NCOA4: variants seen among roughly 807,000 people sequenced by gnomAD.
NCOA4 encodes 70 kDa AR-activator.
In NCOA4, 31 loss-of-function variants were observed where a neutral mutation model predicts 69.5. That is an observed-to-expected ratio of 0.45 (90% CI 0.34 to 0.60). NCOA4 has a LOEUF of 0.60. Ranked by LOEUF, NCOA4 falls within the 20% of genes least tolerant of loss-of-function variation. The probability of loss-of-function intolerance (pLI) is 0.02; values close to 1 mark genes in which losing one functional copy is unlikely to be tolerated. For synonymous variants in NCOA4, 228 were observed against 252.4 expected (o/e 0.90, Z 0.92); for missense variants, 600 against 719.2 (o/e 0.83, Z 1.90).
In NCOA4 at chr10:46,027,395, TCTAA is replaced by T. The variant is rs782107198; in HGVS notation, c.-15+3127_-15+3130del. 1.1e-5 allele frequency: 17 copies of T among 1,544,366 alleles called. 1 individual carries two copies. The South Asian group carries it at 1.7e-4, about 15-fold the overall frequency. On this transcript the variant is annotated intron_variant, in intron 1 of 9. Coordinates refer to ENST00000581486, the MANE Select transcript of NCOA4 (RefSeq NM_001145263.2). The stretch of plus-strand genomic sequence containing the variant: ...AAGCTAAGGACAATATGGCAGCTCC[TCTAA>T]CTGACATGCATGGAGATAGTATTAA...
Position 46,025,545 on chromosome 10 carries a change from C to T in NCOA4, c.-15+4981G>A, listed in dbSNP as rs910933449. Reference sequence around the variant, plus strand: ...TGTCTCCCAGAACAGCTCCCACACCCTAATCTACTGGACAGCTTTTCTATG... The same window carrying T: ...TGTCTCCCAGAACAGCTCCCACACCTTAATCTACTGGACAGCTTTTCTATG... On this transcript the variant is annotated intron_variant, in intron 1 of 9. Coordinates refer to ENST00000581486, the MANE Select transcript of NCOA4 (RefSeq NM_001145263.2). Among the ~76,000 whole-genome samples, 4 of 152,234 alleles carry T rather than the reference C, an allele frequency of 2.6e-5. No homozygotes were observed. In the East Asian group the frequency reaches 7.7e-4, roughly 29 times the overall value.
intron 9 of NCOA4, among the ~76,000 whole-genome samples, chr10:46,007,808 T>TA (rs1455210116): frequency 3.3e-5 from 5 of 152,036 alleles, no homozygotes. Flanking sequence ...AGGCTGGTGT[T>TA]AAACTCCTTG....
At chr10:46,016,771 T>C in intron 1 of NCOA4, 77 bp from the exon 2 acceptor site, 1 of 1,088,600 alleles carries the variant, frequency 9.2e-7, no homozygotes, top group Non-Finnish European at 1.2e-6. Flanking sequence ...CCTCAAATGA[T>C]CATTCCAGCC....
chr10:46,006,360 T>A lies in NCOA4; in HGVS notation c.*232A>T. 1.9e-6 allele frequency: 1 copy of A among 539,354 alleles called. No individual in the cohort carries two copies. Among genetic ancestry groups the A allele is most frequent in the Non-Finnish European group, 3.3e-6 (1 of 299,244 alleles). 33.4% of individuals were successfully genotyped at this position (539,354 alleles called of 1,614,324 possible). On this transcript the variant is annotated 3_prime_UTR_variant, in exon 10 of 10. Transcript: ENST00000581486. ...TCTAGTGTGGGGTGAATTAAAATAC[T>A]TCTGTAAGAAGGAGGGAACTGAATC...
At position 46,016,625 on chromosome 10, in the gene NCOA4, C is replaced by T. The variant is rs782492990; in HGVS notation, c.56G>A (p.Arg19Lys). ...CAAGTCCCTCCGTGCATCACTACAC[C>T]TCAAAAGGGGTTCTCTATTACTGGA... ...GSSSNREPLLRCSDARRDLEL... is the reference protein window; with the variant it reads ...GSSSNREPLLKCSDARRDLEL... The change falls in exon 2 of 10, where the codon AGG (arginine) becomes AAG (lysine). Residue 19 changes from arginine to lysine, a missense_variant. Arg to Lys is a conservative substitution (Grantham distance 26). Coordinates refer to ENST00000581486, the MANE Select transcript of NCOA4 (RefSeq NM_001145263.2). 1.9e-6 allele frequency: 3 copies of T among 1,559,080 alleles called. No individual in the cohort carries two copies. Among genetic ancestry groups the T allele is most frequent in the Non-Finnish European group, 2.6e-6 (3 of 1,145,306 alleles).
chr10:46,024,862 T>A (rs1248500374), intron 1 of NCOA4, among the ~76,000 whole-genome samples: 1 of 152,208 alleles, frequency 6.6e-6, no homozygotes, highest in African/African-American at 2.4e-5. Context: ...GGCTCCCCAT[T>A]TGCCTACAGG....
chr10:46,023,003 A>C (rs1554924792), intron 1 of NCOA4, among the ~76,000 whole-genome samples: 1 of 152,248 alleles, frequency 6.6e-6, no homozygotes, highest in Non-Finnish European at 1.5e-5. Context: ...TACTAGGCTC[A>C]GATTTGTCCA....
rs782326444 is a variant in NCOA4 at position 46,013,020 on chromosome 10, C to G, written c.577G>C (p.Ala193Pro). ...GCISMPEQKS[A>P]SGIVAVPFSE... is the part of the protein sequence containing the mutation. ...AAAGGGACAGCTACAATACCGGATG[C>G]TGACTTCTGTTAATCACAAAACAAG... The change falls in exon 7 of 10, where the codon GCA (alanine) becomes CCA (proline). Residue 193 changes from alanine (A) to proline (P), a missense_variant. Transcript: ENST00000581486. The G allele has an allele frequency of 6.2e-7, 1 of 1,613,844 alleles. No individual in the cohort carries two copies. The highest frequency in any genetic ancestry group is 8.5e-7 in the Non-Finnish European group (1 of 1,179,876).
chr10:46,029,202 A>T (rs1158985931), intron 1 of NCOA4, among the ~76,000 whole-genome samples: 1 of 152,232 alleles, frequency 6.6e-6, no homozygotes, highest in Non-Finnish European at 1.5e-5. Context: ...TTATTTAGAT[A>T]AAAACTACCA....
At chr10:46,009,228 A>G in intron 9 of NCOA4, 183 bp downstream of exon 9, 2 of 1,539,512 alleles carry the variant, frequency 1.3e-6, no homozygotes, top group Non-Finnish European at 1.8e-6. Flanking sequence ...TAGTTAATAA[A>G]GCAAATTCAA....
At position 46,010,704 on chromosome 10, in the gene NCOA4, G is replaced by T. The variant is rs782314703; in HGVS notation, c.1217C>A (p.Ala406Asp). The T allele has an allele frequency of 3.1e-6, 5 of 1,613,954 alleles. No individual in the cohort carries two copies. The South Asian group carries it at 5.5e-5, about 18-fold the overall frequency. The change falls in exon 8 of 10, where the codon GCC (alanine) becomes GAC (aspartate). Residue 406 changes from alanine (A) to aspartate (D), a missense_variant. Coordinates refer to ENST00000581486, the MANE Select transcript of NCOA4 (RefSeq NM_001145263.2). Reference sequence around the variant, plus strand: ...TGCAAAGCTTGTGCAGGGCTCATTGGCTCTGCACACCTCCTCTACCTTACA... The same window carrying T: ...TGCAAAGCTTGTGCAGGGCTCATTGTCTCTGCACACCTCCTCTACCTTACA... ...DPCKVEEVCR[A>D]NEPCTSFAEC...
Position 46,013,562 on chromosome 10 carries a change from G to A in NCOA4, c.558C>T (p.Ser186=). Residue 186 remains serine (S), a synonymous_variant, in exon 6 of 10, where the codon TCC becomes TCT. Transcript: ENST00000581486. ...AATGATATTTTACCTGCTCTGGCAT[G>A]GAGATACAGCCTCTCTTCTCCAGGA... ...GPFLEKRGCI[S]MPEQKSASGI... 6.2e-7 allele frequency: 1 copy of A among 1,610,098 alleles called. No individual in the cohort carries two copies. The highest frequency in any genetic ancestry group is 1.1e-5 in the South Asian group (1 of 90,828).
chr10:46,018,726 G>C (rs1415914915), intron 1 of NCOA4, among the ~76,000 whole-genome samples: 1 of 152,174 alleles, frequency 6.6e-6, no homozygotes, highest in African/African-American at 2.4e-5. Context: ...ATTAATAGGA[G>C]GCATGTTAGG....
intron 7 of NCOA4, 100 bp from the exon 8 acceptor site, chr10:46,011,306 C>G: frequency 7.9e-7 from 1 of 1,261,058 alleles, no homozygotes; most frequent in Middle Eastern, 2.3e-4. Context: ...CTCACTCTGT[C>G]GCCCAGGCTG....
chr10:46,021,845 G>C (rs1174492090), intron 1 of NCOA4, among the ~76,000 whole-genome samples: 1 of 152,170 alleles, frequency 6.6e-6, no homozygotes, highest in Non-Finnish European at 1.5e-5. Flanking sequence ...TGTAATTCCA[G>C]CTAATCGGGA....
chr10:46,022,561 T>C (rs1554924673), intron 1 of NCOA4: 1 of 421,920 alleles, frequency 2.4e-6, no homozygotes, highest in South Asian at 1.8e-5. Flanking sequence ...CCCGGCTTCA[T>C]ACCATTCTCC....
At chr10:46,026,034 T>C (rs535253202) in intron 1 of NCOA4, among the ~76,000 whole-genome samples, 65 of 152,320 alleles carry the variant, frequency 4.3e-4, no homozygotes, top group African/African-American at 1.4e-3. Context: ...AACAGAGGCC[T>C]AAGACATTTT....
At position 46,010,943 on chromosome 10, in the gene NCOA4, C is replaced by T. The variant is rs1469112550; in HGVS notation, c.978G>A (p.Glu326=). ...AGGACTGGAATAAGAGCTTAAACTTCTCACTGGTTTCACGACTGCCATTCT... is the reference window on the plus strand; with the variant it reads ...AGGACTGGAATAAGAGCTTAAACTTTTCACTGGTTTCACGACTGCCATTCT... ...KPENGSRETS[E]KFKLLFQSYN... The change falls in exon 8 of 10, where the codon GAG becomes GAA. Residue 326 remains glutamate (E), a synonymous_variant. Transcript: ENST00000581486. 3.9e-5 allele frequency: 63 copies of T among 1,613,874 alleles called. No homozygotes were observed. Among genetic ancestry groups the T allele is most frequent in the Non-Finnish European group, 5.3e-5 (63 of 1,179,882 alleles).
chr10:46,020,857 A>ATTTTG (rs1839826450), intron 1 of NCOA4, among the ~76,000 whole-genome samples: 1 of 152,180 alleles, frequency 6.6e-6, no homozygotes, highest in African/African-American at 2.4e-5. Flanking sequence ...TTATAATCCA[A>ATTTTG]AATATTGCCT....
Sources: gnomAD v4.1 joint callset for allele counts (sites outside exome capture counted in the v4.1 genomes callset) on GRCh38, gnomAD v4.1.1 for gene constraint, MANE v1.5 for transcripts, NCBI Gene and HGNC (gene_info 2026-07-23, HGNC 2026-07-21) for gene names.